The following EGF variants were observed in gnomAD, a reference collection of about 807,000 sequenced individuals.
EGF encodes pro-epidermal growth factor.
EGF carries 95 observed loss-of-function variants against 143.8 expected under a neutral mutation model. That is an observed-to-expected ratio of 0.66 (90% CI 0.56 to 0.78). EGF has a LOEUF of 0.78. Among genes scored for constraint, EGF ranks in the 30% least tolerant of loss-of-function variants. The pLI, the probability that EGF is intolerant of heterozygous loss-of-function variation, is 0.00. For missense variants in EGF, 1,320 were observed against 1,470.9 expected (o/e 0.90, Z 1.68); for synonymous variants, 510 against 510.5 (o/e 1.00, Z 0.01).
chr4:109,925,659 A>C (rs1029293521), intron 1 of EGF, among the ~76,000 whole-genome samples: 2 of 152,224 alleles, frequency 1.3e-5, no homozygotes, highest in African/African-American at 4.8e-5. Context: ...TCAACAATGA[A>C]ATGCTCAGAG....
chr4:109,993,068 C>T (rs1361302130), intron 18 of EGF, among the ~76,000 whole-genome samples, 179 bp from the exon 19 acceptor site: 1 of 152,152 alleles, frequency 6.6e-6, no homozygotes, highest in East Asian at 1.9e-4. Flanking sequence ...GCACCTTGTG[C>T]ATGTGAACCC....
chr4:110,003,954 G>T (rs1277603205), intron 21 of EGF, among the ~76,000 whole-genome samples: 1 of 152,036 alleles, frequency 6.6e-6, no homozygotes, highest in Non-Finnish European at 1.5e-5. Flanking sequence ...CACTACCCTT[G>T]GTAGCTGTGT....
At chr4:109,967,927 C>G (rs978209193) in intron 10 of EGF, among the ~76,000 whole-genome samples, 1 of 151,912 alleles carries the variant, frequency 6.6e-6, no homozygotes, top group Non-Finnish European at 1.5e-5. Flanking sequence ...AAATGATACA[C>G]CTTTATAGGG....
intron 17 of EGF, 33 bp downstream of exon 17, chr4:109,987,893 C>T (rs138116919): frequency 9.3e-6 from 14 of 1,503,036 alleles, no homozygotes; most frequent in Non-Finnish European, 1.3e-5. Context: ...CATATTTGGA[C>T]AATACTGAAC....
In EGF at chr4:110,013,673, A is replaced by G. The variant is rs1754167323; in HGVS notation, c.*2218A>G. On this transcript the variant is annotated 3_prime_UTR_variant, in exon 24 of 24. Coordinates refer to ENST00000265171, the MANE Select transcript of EGF (RefSeq NM_001963.6). ...ATCGTCTCATTGCGCGCAACGCCTG[A>G]TTGAGCTTCTGTTTGACTAAATATC... is the stretch of plus-strand genomic sequence containing the variant. Among the ~76,000 whole-genome samples, 2 of 152,084 alleles carry G rather than the reference A, an allele frequency of 1.3e-5. No homozygotes were observed. The highest frequency in any genetic ancestry group is 3.9e-4 in the East Asian group (2 of 5,164).
At chr4:109,917,145 G>A (rs1211898377) in intron 1 of EGF, among the ~76,000 whole-genome samples, 1 of 152,118 alleles carries the variant, frequency 6.6e-6, no homozygotes, top group Non-Finnish European at 1.5e-5. Context: ...AAGTGATAGC[G>A]ATTATTTCAG....
rs746907780 is a variant in EGF, at chr4:109,994,847, T to C, written c.2972T>C (p.Met991Thr). 6.2e-6 allele frequency: 10 copies of C among 1,614,040 alleles called. No individual in the cohort carries two copies. Among genetic ancestry groups the C allele is most frequent in the Non-Finnish European group, 7.6e-6 (9 of 1,179,990 alleles). ...DGYCLHDGVC[M>T]YIEALDKYAC... ...TACTGCCTCCATGATGGTGTGTGCA[T>C]GTATATTGAAGCATTGGACAAGTAT... is the stretch of plus-strand genomic sequence containing the variant. Residue 991 changes from methionine to threonine, a missense_variant, in exon 20 of 24, where the codon ATG becomes ACG. Around this residue, in one of 5 missense-constraint regions of EGF, gnomAD observed 1,186 missense variants for 1,313.7 expected, o/e 0.90. Transcript: ENST00000265171.
chr4:109,957,552 T>G (rs1468237854), intron 5 of EGF, among the ~76,000 whole-genome samples: 1 of 152,244 alleles, frequency 6.6e-6, no homozygotes, highest in African/African-American at 2.4e-5. Context: ...TTAAATGTGT[T>G]GAAATTTTAT....
At chr4:110,004,040 A>T (rs571990161) in intron 21 of EGF, among the ~76,000 whole-genome samples, 1 of 152,236 alleles carries the variant, frequency 6.6e-6, no homozygotes, top group African/African-American at 2.4e-5. Context: ...TCTGCCTCAC[A>T]CAGTTGCTGA....
intron 8 of EGF, among the ~76,000 whole-genome samples, chr4:109,962,547 A>C (rs1578271309): frequency 6.6e-6 from 1 of 152,202 alleles, no homozygotes; most frequent in African/African-American, 2.4e-5. Flanking sequence ...GAAGAGTTAG[A>C]CCAGCTGCCA....
intron 1 of EGF, among the ~76,000 whole-genome samples, chr4:109,920,333 G>A (rs1238095354): frequency 1.3e-5 from 2 of 151,614 alleles, no homozygotes; most frequent in Admixed American, 1.3e-4. Flanking sequence ...AACAATTAAA[G>A]ACTCAATAAC....
At chr4:109,937,194 T>G (rs937719458) in intron 1 of EGF, among the ~76,000 whole-genome samples, 2 of 152,162 alleles carry the variant, frequency 1.3e-5, no homozygotes, top group Non-Finnish European at 2.9e-5. Context: ...TCTAAGAACT[T>G]GCTTTATGAA....
At chr4:109,961,035 T>C in intron 7 of EGF, 46 bp downstream of exon 7, 1 of 1,608,126 alleles carries the variant, frequency 6.2e-7, no homozygotes, top group Non-Finnish European at 8.5e-7. Context: ...TTCTTCATTT[T>C]CAATATGTTT....
In EGF at chr4:109,979,639, C is replaced by T. The variant is rs529840807; in HGVS notation, c.2054-333C>T. Among the ~76,000 whole-genome samples the T allele has an allele frequency of 7.2e-5, 11 of 152,260 alleles. No individual in the cohort carries two copies. In the East Asian group the frequency reaches 1.4e-3, roughly 19 times the overall value. Reference sequence around the variant, plus strand: ...TTACTCGAGTTTAGTCTATAAGTAGCGACAGATGTACTAAACAAGGAAAAT... The same window carrying T: ...TTACTCGAGTTTAGTCTATAAGTAGTGACAGATGTACTAAACAAGGAAAAT... On this transcript the variant is annotated intron_variant, in intron 13 of 23. Transcript: ENST00000265171.
chr4:109,967,375 T>A (rs568409837), intron 10 of EGF, among the ~76,000 whole-genome samples: 116 of 152,194 alleles, frequency 7.6e-4, no homozygotes, highest in Non-Finnish European at 1.5e-3. Context: ...AAATCTGGGT[T>A]CTCTATTCCA....
intron 23 of EGF, among the ~76,000 whole-genome samples, chr4:110,010,916 G>A (rs915054589): frequency 6.6e-6 from 1 of 151,730 alleles, no homozygotes; most frequent in African/African-American, 2.4e-5. Flanking sequence ...AAAGTTAGCC[G>A]GGTAGTCCTA....
chr4:109,968,925 A>G (rs769997367), intron 10 of EGF, 46 bp from the exon 11 acceptor site: 2 of 1,612,772 alleles, frequency 1.2e-6, no homozygotes, highest in Non-Finnish European at 1.7e-6. Context: ...TATATTCCAC[A>G]TTAGTTTTAA....
intron 1 of EGF, among the ~76,000 whole-genome samples, chr4:109,929,837 T>C (rs1041139271): frequency 3.9e-5 from 6 of 152,182 alleles, no homozygotes; most frequent in Non-Finnish European, 8.8e-5. Context: ...ATGAATAAAC[T>C]GAGAAGAAAG....
At chr4:109,942,143 C>T (rs975845650) in intron 2 of EGF, among the ~76,000 whole-genome samples, 3 of 152,216 alleles carry the variant, frequency 2.0e-5, no homozygotes, top group African/African-American at 7.2e-5. Flanking sequence ...TAGTTTCAAA[C>T]TCTTGAGTCT....
Sources: gnomAD v4.1 joint callset for allele counts (sites outside exome capture counted in the v4.1 genomes callset) on GRCh38, gnomAD v4.1.1 for gene constraint, gnomAD v4.1.1 regional missense constraint, MANE v1.5 for transcripts, NCBI Gene and HGNC (gene_info 2026-07-23, HGNC 2026-07-21) for gene names.